The following RFK variants were observed in gnomAD, a reference collection of about 807,000 sequenced individuals.
RFK encodes riboflavin kinase, also known as 0610038L10Rik.
Under a neutral mutation model 17.6 loss-of-function variants are expected in RFK, and 4 were observed. The ratio of observed to expected loss-of-function variants is 0.23; its 90% CI spans 0.11 to 0.52. RFK has a LOEUF of 0.52. Among genes scored for constraint, RFK ranks in the 20% least tolerant of loss-of-function variants. The pLI is 0.96. For missense variants in RFK, 189 were observed against 187.7 expected (o/e 1.01, Z -0.04); for synonymous variants, 59 against 63.8 (o/e 0.92, Z 0.36).
At position 76,386,515 on chromosome 9, in the gene RFK, A is replaced by G. The variant is rs1375087616; in HGVS notation, c.*884T>C. ...TCTGTTGTTTTGTTTTTCCTAAAAAAGGAAAAAAGAACCAAAGAAAAATGT... is the reference window on the plus strand; with the variant it reads ...TCTGTTGTTTTGTTTTTCCTAAAAAGGGAAAAAAGAACCAAAGAAAAATGT... On this transcript the variant is annotated 3_prime_UTR_variant, in exon 4 of 4. Transcript: ENST00000376736. The G allele has an allele frequency of 1.3e-5, 2 of 152,208 alleles. No individual in the cohort carries two copies. Among genetic ancestry groups the G allele is most frequent in the Non-Finnish European group, 2.9e-5 (2 of 68,038 alleles). 9.4% of individuals were successfully genotyped at this position (152,208 alleles called of 1,614,324 possible). A position where few individuals can be genotyped will look rare whatever the true frequency, so the allele number is the denominator to read the frequency against.
rs528583709 is a variant in RFK at position 76,386,193 on chromosome 9, G to A, written c.*1206C>T. 6.6e-6 allele frequency: 1 copy of A among 152,224 alleles called. No homozygotes were observed. Among genetic ancestry groups the A allele is most frequent in the Admixed American group, 6.5e-5 (1 of 15,290 alleles). 9.4% of individuals were successfully genotyped at this position (152,224 alleles called of 1,614,324 possible). A position where few individuals can be genotyped will look rare whatever the true frequency, so the allele number is the denominator to read the frequency against. On this transcript the variant is annotated 3_prime_UTR_variant, in exon 4 of 4. Transcript: ENST00000376736. The stretch of plus-strand genomic sequence containing the variant: ...TGTAATCTTAATTTCCCACATATTA[G>A]TTAGTAGGAGGAAAAATCCACAGTA...
In RFK at chr9:76,394,192, T is replaced by A. The variant is rs900895751; in HGVS notation, c.-21A>T. ...CTCATAATGCAGTCCGCTCGGGGAATGGGCTGCGGCCCGGTCTGCGCGTCC... is the reference window on the plus strand; with the variant it reads ...CTCATAATGCAGTCCGCTCGGGGAAAGGGCTGCGGCCCGGTCTGCGCGTCC... On this transcript the variant is annotated 5_prime_UTR_variant, in exon 1 of 4. Coordinates refer to ENST00000376736, the MANE Select transcript of RFK (RefSeq NM_018339.6). 5 of 1,570,394 alleles carry A rather than the reference T, an allele frequency of 3.2e-6. No individual in the cohort carries two copies. Among genetic ancestry groups the A allele is most frequent in the Non-Finnish European group, 4.3e-6 (5 of 1,159,794 alleles).
At position 76,392,495 on chromosome 9, in the gene RFK, C is replaced by T. The variant is rs776497053; in HGVS notation, c.157G>A (p.Val53Ile). Reference protein sequence around the residue: ...STGIYYGWASVGSGDVHKMVV... With the variant: ...STGIYYGWASIGSGDVHKMVV... ...ATCTTATGGACATCTCCACTTCCAA[C>T]ACTGGCCCAACCATAGTAAATACCA... The change falls in exon 2 of 4, where the codon GTT becomes ATT. Residue 53 changes from valine (V) to isoleucine (I), a missense_variant. Around this residue, in one of 3 missense-constraint regions of RFK, gnomAD observed 90 missense variants for 75.4 expected, o/e 1.19. Transcript: ENST00000376736. 88 of 1,614,094 alleles carry T rather than the reference C, an allele frequency of 5.5e-5. No individual in the cohort carries two copies. The highest frequency in any genetic ancestry group is 6.9e-5 in the Non-Finnish European group (82 of 1,180,032).
chr9:76,392,117 A>C (rs1008162460), intron 2 of RFK, among the ~76,000 whole-genome samples: 1 of 152,026 alleles, frequency 6.6e-6, no homozygotes, highest in African/African-American at 2.4e-5. Context: ...TGTCACTACA[A>C]AACAAAACAA....
In RFK at chr9:76,394,209, T is replaced by A. The variant is rs1251443193; in HGVS notation, c.-38A>T. The A allele has an allele frequency of 1.4e-5, 21 of 1,550,054 alleles. No homozygotes were observed. The highest frequency in any genetic ancestry group is 1.7e-5 in the Non-Finnish European group (19 of 1,148,424). On this transcript the variant is annotated 5_prime_UTR_variant, in exon 1 of 4. Coordinates refer to ENST00000376736, the MANE Select transcript of RFK (RefSeq NM_018339.6). Reference sequence around the variant, plus strand: ...TCGGGGAATGGGCTGCGGCCCGGTCTGCGCGTCCTGCGGAGCCGCCGTCGA... The same window carrying A: ...TCGGGGAATGGGCTGCGGCCCGGTCAGCGCGTCCTGCGGAGCCGCCGTCGA...
Position 76,393,902 on chromosome 9 carries a change from A to ATGC in RFK, c.82+187_82+188insGCA, listed in dbSNP as rs1436448724. 5.4e-5 allele frequency: 31 copies of ATGC among 574,798 alleles called. No individual in the cohort carries two copies. In the East Asian group the frequency reaches 1.0e-3, roughly 18 times the overall value. 35.6% of individuals were successfully genotyped at this position (574,798 alleles called of 1,614,324 possible). A position where few individuals can be genotyped will look rare whatever the true frequency, so the allele number is the denominator to read the frequency against. ...CGTCCCCGCGGAGCTCGGAGCCAGA[A>ATGC]GCAGGGACAAGCTCCCTCAACCGAG... On this transcript the variant is annotated intron_variant, in intron 1 of 3. Transcript: ENST00000376736.
intron 3 of RFK, 160 bp from the exon 4 acceptor site, chr9:76,387,689 G>T: frequency 1.6e-6 from 1 of 624,358 alleles, no homozygotes; most frequent in Non-Finnish European, 2.7e-6. Context: ...CCAGGCCTAA[G>T]TCAATGGTAC....
chr9:76,389,403 G>A (rs1413094238), intron 2 of RFK, among the ~76,000 whole-genome samples: 1 of 152,110 alleles, frequency 6.6e-6, no homozygotes, highest in Non-Finnish European at 1.5e-5. Context: ...CATGACTTTG[G>A]GGCTATGAAC....
chr9:76,392,645 G>A, intron 1 of RFK, 76 bp from the exon 2 acceptor site: 4 of 1,445,824 alleles, frequency 2.8e-6, no homozygotes, highest in East Asian at 2.3e-5. Context: ...AGTGGCTCAT[G>A]TCTGTAATTC....
At chr9:76,394,010 C>G (rs988558397) in intron 1 of RFK, 80 bp downstream of exon 1, 43 of 1,383,530 alleles carry the variant, frequency 3.1e-5, no homozygotes, top group East Asian at 1.1e-4. Context: ...CCCCACGCCC[C>G]GGTCCCAAGT....
At chr9:76,392,890 C>T (rs1822835774) in intron 1 of RFK, among the ~76,000 whole-genome samples, 1 of 152,130 alleles carries the variant, frequency 6.6e-6, no homozygotes, top group African/African-American at 2.4e-5. Flanking sequence ...AGTGGCAGAG[C>T]CAGATTCTGT....
rs1489648956 is a variant in RFK at position 76,394,299 on chromosome 9, C to A, written c.-128G>T. 3.5e-6 allele frequency: 3 copies of A among 855,786 alleles called. No individual in the cohort carries two copies. The highest frequency in any genetic ancestry group is 5.1e-6 in the Non-Finnish European group (3 of 588,188). 53.0% of individuals were successfully genotyped at this position (855,786 alleles called of 1,614,324 possible). ...GTGAGCTCTGCCTGCCGCGGGGGCG[C>A]ACCAGTGGCCGGACGACGCCGACCA... is the stretch of plus-strand genomic sequence containing the variant. On this transcript the variant is annotated 5_prime_UTR_variant, in exon 1 of 4. Transcript: ENST00000376736.
chr9:76,390,569 T>C (rs1055930936), intron 2 of RFK, among the ~76,000 whole-genome samples: 10 of 152,058 alleles, frequency 6.6e-5, no homozygotes, highest in African/African-American at 2.2e-4. Context: ...GAGGCTGTGA[T>C]GGGAGGATCA....
Position 76,394,372 on chromosome 9 carries a change from G to T in RFK, c.-201C>A. 1 of 502,996 alleles carries T rather than the reference G, an allele frequency of 2.0e-6. No individual in the cohort carries two copies. 31.2% of individuals were successfully genotyped at this position (502,996 alleles called of 1,614,324 possible). On this transcript the variant is annotated 5_prime_UTR_variant, in exon 1 of 4. Transcript: ENST00000376736. ...GCCGCCGACCCAACAAATACCGCCG[G>T]GCGCCTGAGGAGCTGCGTCTCCGCT...
rs1822717857 is a variant in RFK at position 76,385,534 on chromosome 9, A to ACT, written c.*1864_*1865insAG. Reference sequence around the variant, plus strand: ...CACAGGGAAAGAAAAAATATCACTTAGTCAAAATTTATTTCAAGGCCTGAA... The same window carrying ACT: ...CACAGGGAAAGAAAAAATATCACTTACTGTCAAAATTTATTTCAAGGCCTGAA... On this transcript the variant is annotated 3_prime_UTR_variant, in exon 4 of 4. Transcript: ENST00000376736. The ACT allele has an allele frequency of 6.6e-6, 1 of 152,246 alleles. No homozygotes were observed. Among genetic ancestry groups the ACT allele is most frequent in the Non-Finnish European group, 1.5e-5 (1 of 68,042 alleles). The allele number at this position is 152,246 out of a possible 1,614,324, so 9.4% of individuals were successfully genotyped here.
At position 76,387,532 on chromosome 9, in the gene RFK, G is replaced by A; in HGVS notation, c.338-3C>T. 6.2e-7 allele frequency: 1 copy of A among 1,608,206 alleles called. No homozygotes were observed. Among genetic ancestry groups the A allele is most frequent in the Non-Finnish European group, 8.5e-7 (1 of 1,178,824 alleles). On this transcript the variant is annotated splice_region_variant and splice_polypyrimidine_tract_variant and intron_variant, in intron 3 of 3. Transcript: ENST00000376736. ...TTGAATTGCTGAAATAAGTGACTCT[G>A]CAGAGAGAATATACCAGGTAAAAAT... is the stretch of plus-strand genomic sequence containing the variant.
rs1289195333 is a variant in RFK, at chr9:76,386,509, T to C, written c.*890A>G. On this transcript the variant is annotated 3_prime_UTR_variant, in exon 4 of 4. Coordinates refer to ENST00000376736, the MANE Select transcript of RFK (RefSeq NM_018339.6). ...ATGAAGTCTGTTGTTTTGTTTTTCCTAAAAAAGGAAAAAAGAACCAAAGAA... is the reference window on the plus strand; with the variant it reads ...ATGAAGTCTGTTGTTTTGTTTTTCCCAAAAAAGGAAAAAAGAACCAAAGAA... 6.6e-6 allele frequency: 1 copy of C among 151,920 alleles called. No homozygotes were observed. The highest frequency in any genetic ancestry group is 2.4e-5 in the African/African-American group (1 of 41,364). The allele number at this position is 151,920 out of a possible 1,614,324, so 9.4% of individuals were successfully genotyped here.
In RFK at chr9:76,385,802, G is replaced by T. The variant is rs1391323922; in HGVS notation, c.*1597C>A. The T allele has an allele frequency of 6.6e-6, 1 of 152,162 alleles. No homozygotes were observed. The highest frequency in any genetic ancestry group is 2.4e-5 in the African/African-American group (1 of 41,444). The allele number at this position is 152,162 out of a possible 1,614,324, so 9.4% of individuals were successfully genotyped here. A position where few individuals can be genotyped will look rare whatever the true frequency, so the allele number is the denominator to read the frequency against. On this transcript the variant is annotated 3_prime_UTR_variant, in exon 4 of 4. Coordinates refer to ENST00000376736, the MANE Select transcript of RFK (RefSeq NM_018339.6). ...ACACAAATATTTTCACATTTCCTATGTTTGTTTTTAACTTTACTTCATAAA... is the reference window on the plus strand; with the variant it reads ...ACACAAATATTTTCACATTTCCTATTTTTGTTTTTAACTTTACTTCATAAA...
Position 76,394,422 on chromosome 9 carries a change from T to G in RFK, c.-251A>C. 9.9e-6 allele frequency: 4 copies of G among 405,976 alleles called. No homozygotes were observed. Among genetic ancestry groups the G allele is most frequent in the Non-Finnish European group, 1.3e-5 (3 of 229,510 alleles). The allele number at this position is 405,976 out of a possible 1,614,324, so 25.1% of individuals were successfully genotyped here. A position where few individuals can be genotyped will look rare whatever the true frequency, so the allele number is the denominator to read the frequency against. On this transcript the variant is annotated 5_prime_UTR_variant, in exon 1 of 4. Coordinates refer to ENST00000376736, the MANE Select transcript of RFK (RefSeq NM_018339.6). ...TGGAGGGCAGCGGAGACAGCCGAAG[T>G]AAGTGCCGGGTGTGAGCGGGGTGGG...
Sources: allele counts gnomAD v4.1 joint callset (sites outside exome capture counted in the v4.1 genomes callset), GRCh38; gene constraint gnomAD v4.1.1; regional missense constraint gnomAD v4.1.1; transcripts MANE v1.5; gene names NCBI Gene and HGNC (gene_info 2026-07-23, HGNC 2026-07-21).